ELFN1: variants seen among roughly 807,000 people sequenced by gnomAD.
The protein encoded by ELFN1 is protein ELFN1.
In ELFN1, 6 loss-of-function variants were observed where a neutral mutation model predicts 7.6. The ratio of observed to expected loss-of-function variants is 0.79; its 90% CI spans 0.43 to 1.56. ELFN1 has a LOEUF of 1.56. ELFN1 is among the 40% of genes most tolerant of loss of function. The pLI, the probability that ELFN1 is intolerant of heterozygous loss-of-function variation, is 0.01. For synonymous variants in ELFN1, 657 were observed against 588.1 expected, an observed-to-expected ratio of 1.12 and a Z score of -1.70; for missense variants, 1,169 against 1,232.2, an observed-to-expected ratio of 0.95 and a Z score of 0.77.
In ELFN1 at chr7:1,695,111, C is replaced by T. The variant is rs539442359; in HGVS notation, c.-456+6961C>T. On this transcript the variant is annotated intron_variant, in intron 2 of 3. Coordinates refer to ENST00000424383, the MANE Select transcript of ELFN1 (RefSeq NM_001128636.4). This position sits in a 1 kb window ranked among gnomAD's most constrained non-coding sequence, Gnocchi z 5.1. ...GCACGTGGCTGTGCCAGGCAGCAGACGTGGCCGACAGGCACATGGTGGGAC... is the reference window on the plus strand; with the variant it reads ...GCACGTGGCTGTGCCAGGCAGCAGATGTGGCCGACAGGCACATGGTGGGAC... 5.3e-5 allele frequency among the ~76,000 whole-genome samples: 8 copies of T among 152,358 alleles called. No individual in the cohort carries two copies. In the East Asian group the frequency reaches 7.7e-4, roughly 15 times the overall value.
rs1372986431 is a variant in ELFN1, at chr7:1,740,492, G to T, written c.-293-3812G>T. Among the ~76,000 whole-genome samples the T allele has an allele frequency of 6.6e-6, 1 of 152,234 alleles. No individual in the cohort carries two copies. The highest frequency in any genetic ancestry group is 1.5e-5 in the Non-Finnish European group (1 of 68,032). The stretch of plus-strand genomic sequence containing the variant: ...GGACGTGGGGTGCAGCGGCAGGTGT[G>T]AGTGCGGATCAGCGAGGGCACAGGC... On this transcript the variant is annotated intron_variant, in intron 3 of 3. Transcript: ENST00000424383. The surrounding 1 kb of genome is among the most constrained non-coding windows in gnomAD (Gnocchi z 5.0).
At chr7:1,693,662 GACA>G (rs1479708502) in intron 2 of ELFN1, 6 of 471,220 alleles carry the variant, frequency 1.3e-5, no homozygotes, top group South Asian at 9.3e-5. Flanking sequence ...GGTGAGCACA[GACA>G]CATGCGTGCA....
At chr7:1,696,614 G>T (rs1779319608) in intron 2 of ELFN1, among the ~76,000 whole-genome samples, 1 of 152,078 alleles carries the variant, frequency 6.6e-6, no homozygotes, top group African/African-American at 2.4e-5. Context: ...TGTTGCCCAG[G>T]CTAGTCTTGA....
chr7:1,696,392 C>CT lies in ELFN1; in HGVS notation c.-456+8258dup, dbSNP rs964898176. ...GATGCCCTGGTGTCTTTCTTTCTTT[C>CT]TTTTTTTTTTTTTTTTCCAGAGATG... On this transcript the variant is annotated intron_variant, in intron 2 of 3. Coordinates refer to ENST00000424383, the MANE Select transcript of ELFN1 (RefSeq NM_001128636.4). Among the ~76,000 whole-genome samples, 1,361 of 137,188 alleles carry CT rather than the reference C, an allele frequency of 9.9e-3. 13 individuals are homozygous for CT. Among genetic ancestry groups the CT allele is most frequent in the South Asian group, 0.013 (56 of 4,260 alleles). The allele number at this position is 137,188 out of a possible 152,430, so 90.0% of individuals were successfully genotyped here.
intron 1 of ELFN1, among the ~76,000 whole-genome samples, chr7:1,683,370 C>T (rs1028914206): frequency 6.6e-6 from 1 of 152,078 alleles, no homozygotes; most frequent in Non-Finnish European, 1.5e-5. Flanking sequence ...CAAGTCTGTT[C>T]AGATTTTCTA....
intron 2 of ELFN1, among the ~76,000 whole-genome samples, chr7:1,708,125 C>T (rs1433038544): frequency 6.6e-6 from 1 of 152,210 alleles, no homozygotes; most frequent in Non-Finnish European, 1.5e-5. Context: ...AGCACTTCCC[C>T]TCCTGCCCTC....
At chr7:1,687,437 G>C (rs1159519803) in intron 1 of ELFN1, among the ~76,000 whole-genome samples, 1 of 151,804 alleles carries the variant, frequency 6.6e-6, no homozygotes, top group African/African-American at 2.4e-5. Context: ...GAACCATCTA[G>C]CTCAAGAAAT....
At chr7:1,708,127 C>G (rs138471479) in intron 2 of ELFN1, among the ~76,000 whole-genome samples, 3 of 152,220 alleles carry the variant, frequency 2.0e-5, no homozygotes, top group African/African-American at 7.2e-5. Context: ...CACTTCCCCT[C>G]CTGCCCTCCA....
chr7:1,698,866 G>A (rs938661001), intron 2 of ELFN1, among the ~76,000 whole-genome samples: 2 of 152,136 alleles, frequency 1.3e-5, no homozygotes, highest in Admixed American at 1.3e-4. Flanking sequence ...ATTTTCACAA[G>A]CACCCCAGTG....
At chr7:1,702,026 A>G (rs1460717889) in intron 2 of ELFN1, among the ~76,000 whole-genome samples, 4 of 152,106 alleles carry the variant, frequency 2.6e-5, no homozygotes, top group Non-Finnish European at 5.9e-5. Context: ...CTCTTGGGTC[A>G]GTTTCTGGAT....
At chr7:1,721,353 GT>G (rs1349509478) in intron 3 of ELFN1, among the ~76,000 whole-genome samples, 1 of 152,246 alleles carries the variant, frequency 6.6e-6, no homozygotes, top group Non-Finnish European at 1.5e-5. Context: ...GCCTAAGTGT[GT>G]GAGTGCAAGC....
intron 1 of ELFN1, among the ~76,000 whole-genome samples, chr7:1,675,842 A>G (rs1778860175): frequency 6.6e-6 from 1 of 152,218 alleles, no homozygotes; most frequent in African/African-American, 2.4e-5. Flanking sequence ...AGATACCCAC[A>G]GCACAGCTGC....
intron 2 of ELFN1, chr7:1,693,509 G>A (rs939621730): frequency 2.1e-6 from 1 of 471,102 alleles, no homozygotes; most frequent in African/African-American, 2.0e-5. Flanking sequence ...TGTGTGGTGT[G>A]GGGCGTGACC....
At chr7:1,719,334 G>A (rs1562375829) in intron 3 of ELFN1, among the ~76,000 whole-genome samples, 4 of 102,828 alleles carry the variant, frequency 3.9e-5, no homozygotes, top group African/African-American at 2.4e-4. Flanking sequence ...CACCAACAGG[G>A]CCCCGCCCAC....
intron 1 of ELFN1, among the ~76,000 whole-genome samples, chr7:1,672,568 G>A (rs565682669): frequency 6.6e-6 from 1 of 152,332 alleles, no homozygotes; most frequent in South Asian, 2.1e-4. Context: ...GAGATCAATG[G>A]GGTAAAATCG....
intron 3 of ELFN1, among the ~76,000 whole-genome samples, chr7:1,730,693 T>C (rs1780308358): frequency 6.6e-6 from 1 of 152,220 alleles, no homozygotes; most frequent in African/African-American, 2.4e-5. Context: ...AAGTCAAGAA[T>C]CTGTCTCAGT....
At chr7:1,693,182 G>T in intron 2 of ELFN1, 1 of 372,700 alleles carries the variant, frequency 2.7e-6, no homozygotes. Context: ...TTCCGCTGGG[G>T]TCCTGGTAGT....
rs890949087 is a variant in ELFN1 at position 1,740,160 on chromosome 7, C to T, written c.-293-4144C>T. Among the ~76,000 whole-genome samples, 5 of 152,146 alleles carry T rather than the reference C, an allele frequency of 3.3e-5. No individual in the cohort carries two copies. The highest frequency in any genetic ancestry group is 7.2e-5 in the African/African-American group (3 of 41,446). ...AGGGGTGCCCATTCCAGAGGCGCCACGGCCTCTGTGTCTCCCTGAGGCAGG... is the reference window on the plus strand; with the variant it reads ...AGGGGTGCCCATTCCAGAGGCGCCATGGCCTCTGTGTCTCCCTGAGGCAGG... On this transcript the variant is annotated intron_variant, in intron 3 of 3. Coordinates refer to ENST00000424383, the MANE Select transcript of ELFN1 (RefSeq NM_001128636.4). This position sits in a 1 kb window ranked among gnomAD's most constrained non-coding sequence, Gnocchi z 5.0.
chr7:1,682,277 C>T (rs528133875), intron 1 of ELFN1, among the ~76,000 whole-genome samples: 4 of 152,234 alleles, frequency 2.6e-5, no homozygotes, highest in African/African-American at 9.6e-5. Flanking sequence ...TTTTAGCTAA[C>T]GTCTGTATGG....
Sources: allele counts gnomAD v4.1 joint callset (sites outside exome capture counted in the v4.1 genomes callset), GRCh38; gene constraint gnomAD v4.1.1; non-coding constraint Gnocchi (gnomAD v3.1); transcripts MANE v1.5; gene names NCBI Gene and HGNC (gene_info 2026-07-23, HGNC 2026-07-21).